Variants in ADGRL2 observed in about 807,000 individuals in gnomAD.
The protein encoded by ADGRL2 is adhesion G protein-coupled receptor L2.
A neutral mutation model predicts 157.4 loss-of-function variants in ADGRL2; 44 were observed. That is an observed-to-expected ratio of 0.28 (90% CI 0.22 to 0.36). The LOEUF is 0.36. Among genes scored for constraint, ADGRL2 ranks in the 10% least tolerant of loss-of-function variants. The probability of loss-of-function intolerance (pLI) is 1.00; values close to 1 mark genes in which losing one functional copy is unlikely to be tolerated. For synonymous variants in ADGRL2, 585 were observed against 624.7 expected (o/e 0.94, Z 0.95); for missense variants, 1,510 against 1,768.9 (o/e 0.85, Z 2.63).
intron 2 of ADGRL2, among the ~76,000 whole-genome samples, chr1:81,528,646 C>CAAAAAAAAAAAAAA (rs59842382): frequency 1.9e-4 from 22 of 114,662 alleles, no homozygotes; most frequent in African/African-American, 2.6e-4. Context: ...GACTCCATCT[C>CAAAAAAAAAAAAAA]AAAAAAAAAA....
chr1:81,406,789 T>C (rs12407794), intron 1 of ADGRL2, among the ~76,000 whole-genome samples: 27,827 of 152,026 alleles, frequency 0.18, 3,260 homozygotes, highest in East Asian at 0.49. Flanking sequence ...ATCAGCAACA[T>C]CTGCGATATG....
In ADGRL2 at chr1:81,993,071, ATATATATATATATATATTT is replaced by A; in HGVS notation, c.*1928_*1946del. 3.4e-5 allele frequency among the ~76,000 whole-genome samples: 1 copy of A among 29,486 alleles called. No homozygotes were observed. The highest frequency in any genetic ancestry group is 1.4e-3 in the South Asian group (1 of 728). The allele number at this position is 29,486 out of a possible 152,430, so 19.3% of individuals were successfully genotyped here. A position where few individuals can be genotyped will look rare whatever the true frequency, so the allele number is the denominator to read the frequency against. On this transcript the variant is annotated 3_prime_UTR_variant, in exon 24 of 24. Coordinates refer to ENST00000686636, the MANE Select transcript of ADGRL2 (RefSeq NM_001366006.2). ...ATATATAATATACATATATATATAT[ATATATATATATATATATTT>A]TTTTTTTTTTTTTTTTTTTTTTTTT...
intron 3 of ADGRL2, among the ~76,000 whole-genome samples, chr1:81,616,677 TTC>T (rs77749856): frequency 2.2e-5 from 3 of 134,312 alleles, no homozygotes; most frequent in African/African-American, 6.1e-5. Flanking sequence ...TTCTTTTCTT[TTC>T]TTTTTTTTTT....
At chr1:81,844,076 C>T (rs1316228407) in intron 2 of ADGRL2, among the ~76,000 whole-genome samples, 2 of 152,090 alleles carry the variant, frequency 1.3e-5, no homozygotes, top group Non-Finnish European at 2.9e-5. Context: ...GGTAAACCTC[C>T]ATTTTCTGAC....
At chr1:81,380,153 T>C (rs2076319156) in intron 1 of ADGRL2, among the ~76,000 whole-genome samples, 2 of 152,218 alleles carry the variant, frequency 1.3e-5, no homozygotes, top group African/African-American at 4.8e-5. Context: ...TAACTTTTTT[T>C]CTCCAGTCTA....
chr1:81,668,711 T>C (rs1056845963), intron 3 of ADGRL2, among the ~76,000 whole-genome samples: 3 of 149,752 alleles, frequency 2.0e-5, no homozygotes, highest in Non-Finnish European at 3.0e-5. Context: ...TACAGGCATG[T>C]GCCACCAGGC....
At chr1:81,904,589 C>T (rs144330597) in intron 2 of ADGRL2, among the ~76,000 whole-genome samples, 2,228 of 152,144 alleles carry the variant, frequency 0.015, 28 homozygotes, top group Middle Eastern at 0.037. Context: ...CTAATTAATT[C>T]CTTTGAGAAC....
chr1:81,501,811 A>AGCAGCAGCAGCAGCAGCAGCAG lies in ADGRL2; in HGVS notation c.-248+56722_-248+56723insGCAGCAGCAGCAGCAGCAGCAG, dbSNP rs57360565. 4.7e-5 allele frequency: 74 copies of AGCAGCAGCAGCAGCAGCAGCAG among 1,558,478 alleles called. No individual in the cohort carries two copies. In the African/African-American group the frequency reaches 5.2e-4, roughly 11 times the overall value. On this transcript the variant is annotated intron_variant, in intron 2 of 24. Coordinates refer to the ADGRL2 transcript ENST00000370721. ...AGCAGCAGCAGCAGCAGCAGCAGCAACAGCAGCAGCAACAGAAGCAGCCAC... is the reference window on the plus strand; with the variant it reads ...AGCAGCAGCAGCAGCAGCAGCAGCAAGCAGCAGCAGCAGCAGCAGCAGCAGCAGCAGCAACAGAAGCAGCCAC...
intron 2 of ADGRL2, among the ~76,000 whole-genome samples, chr1:81,570,028 A>T (rs1030739835): frequency 6.6e-6 from 1 of 152,084 alleles, no homozygotes; most frequent in Non-Finnish European, 1.5e-5. Context: ...GTGTCCTCTC[A>T]ACGCATCTTA....
chr1:81,311,959 C>T (rs1194176016), intron 1 of ADGRL2, among the ~76,000 whole-genome samples: 2 of 152,136 alleles, frequency 1.3e-5, no homozygotes, highest in African/African-American at 4.8e-5. Context: ...AGATTTTAAA[C>T]AATTCAGACT....
upstream of ADGRL2, among the ~76,000 whole-genome samples, chr1:81,696,274 T>TA (rs1465440319): frequency 6.6e-6 from 1 of 152,194 alleles, no homozygotes; most frequent in Non-Finnish European, 1.5e-5. Context: ...TAAAGCTTTT[T>TA]ACAGAACAAG....
intron 2 of ADGRL2, among the ~76,000 whole-genome samples, chr1:81,574,279 G>GA (rs2080754155): frequency 1.3e-5 from 2 of 151,928 alleles, no homozygotes; most frequent in African/African-American, 4.8e-5. Flanking sequence ...GCAGAAGGAG[G>GA]AAAAATCAGA....
rs553160071 is a variant in ADGRL2, at chr1:81,992,266, T to C, written c.*1121T>C. On this transcript the variant is annotated 3_prime_UTR_variant, in exon 24 of 24. Coordinates refer to ENST00000686636, the MANE Select transcript of ADGRL2 (RefSeq NM_001366006.2). ...CTGCCTATATTTAGTAATTAATTTA[T>C]TTTATGATAAAGTTCTAATGAAATG... 26 of 152,726 alleles carry C rather than the reference T, an allele frequency of 1.7e-4. No homozygotes were observed. The allele number at this position is 152,726 out of a possible 1,614,324, so 9.5% of individuals were successfully genotyped here. A position where few individuals can be genotyped will look rare whatever the true frequency, so the allele number is the denominator to read the frequency against.
chr1:81,370,383 T>C (rs1453886247), intron 1 of ADGRL2, among the ~76,000 whole-genome samples: 1 of 152,114 alleles, frequency 6.6e-6, no homozygotes, highest in Non-Finnish European at 1.5e-5. Context: ...GTACACTGTT[T>C]GTTGCTAACA....
chr1:81,364,222 T>TTA (rs2076025597), intron 1 of ADGRL2, among the ~76,000 whole-genome samples: 2 of 151,874 alleles, frequency 1.3e-5, no homozygotes, highest in Non-Finnish European at 2.9e-5. Flanking sequence ...TTTTTTTTTT[T>TTA]ATGGCTTTGC....
At chr1:81,651,117 T>C (rs1309332140) in intron 3 of ADGRL2, among the ~76,000 whole-genome samples, 1 of 152,250 alleles carries the variant, frequency 6.6e-6, no homozygotes, top group Non-Finnish European at 1.5e-5. Context: ...GTGCTATCAT[T>C]ACATTTTGTA....
chr1:81,955,433 T>G (rs1464894563), intron 10 of ADGRL2, among the ~76,000 whole-genome samples: 1 of 152,210 alleles, frequency 6.6e-6, no homozygotes, highest in Non-Finnish European at 1.5e-5. Flanking sequence ...ATAATATAGT[T>G]TAATTTTCAA....
chr1:81,988,447 A>G (rs1663806923), intron 23 of ADGRL2: 2 of 150,652 alleles, frequency 1.3e-5, no homozygotes, highest in South Asian at 2.1e-4. Context: ...TGTCACTCAT[A>G]CCTTTAAGTG....
chr1:81,422,187 C>CT (rs33976349), intron 1 of ADGRL2, among the ~76,000 whole-genome samples: 34,186 of 151,530 alleles, frequency 0.23, 4,016 homozygotes, highest in South Asian at 0.3. Flanking sequence ...TCTCAAACTT[C>CT]TTTTTTTTTT....
Sources: allele counts gnomAD v4.1 joint callset (sites outside exome capture counted in the v4.1 genomes callset), GRCh38; gene constraint gnomAD v4.1.1; transcripts MANE v1.5; gene names NCBI Gene and HGNC (gene_info 2026-07-23, HGNC 2026-07-21).